Variants in DNAL4 observed in about 807,000 individuals in gnomAD.
The protein encoded by DNAL4 is dynein axonemal light chain 4.
In DNAL4, 10 loss-of-function variants were observed where a neutral mutation model predicts 12.6. The ratio of observed to expected loss-of-function variants is 0.79; its 90% CI spans 0.49 to 1.34. The LOEUF is 1.34. DNAL4 is among the 40% of genes most tolerant of loss of function. The probability of loss-of-function intolerance (pLI) is 0.00; values close to 1 mark genes in which losing one functional copy is unlikely to be tolerated. For synonymous variants in DNAL4, 46 were observed against 53.1 expected, an observed-to-expected ratio of 0.87 and a Z score of 0.58; for missense variants, 128 against 138.1, an observed-to-expected ratio of 0.93 and a Z score of 0.37.
intron 1 of DNAL4, among the ~76,000 whole-genome samples, chr22:38,791,311 C>A (rs2093050237): frequency 6.6e-6 from 1 of 152,060 alleles, no homozygotes; most frequent in Non-Finnish European, 1.5e-5. Flanking sequence ...AGGCCCAGGA[C>A]ATTACTGGAC....
intron 2 of DNAL4, among the ~76,000 whole-genome samples, chr22:38,781,345 G>T (rs946667695): frequency 6.6e-6 from 1 of 152,236 alleles, no homozygotes; most frequent in Non-Finnish European, 1.5e-5. Context: ...CCGGAGGCCC[G>T]AAGAGGCCGC....
intron 3 of DNAL4, 74 bp downstream of exon 3, chr22:38,780,852 G>C (rs1161515909): frequency 6.7e-7 from 1 of 1,491,046 alleles, no homozygotes; most frequent in Non-Finnish European, 9.3e-7. Flanking sequence ...GCCAACTGCA[G>C]GGAACAGGGG....
At chr22:38,780,835 G>T in intron 3 of DNAL4, 91 bp downstream of exon 3, 1 of 1,312,810 alleles carries the variant, frequency 7.6e-7, no homozygotes, top group Non-Finnish European at 1.1e-6. Flanking sequence ...TAGCAGTACT[G>T]TCTGGAGCCA....
In DNAL4 at chr22:38,794,123, G is replaced by C. The variant is rs1200470455; in HGVS notation, c.-195C>G. On this transcript the variant is annotated 5_prime_UTR_variant, in exon 1 of 4. Transcript: ENST00000216068. Reference sequence around the variant, plus strand: ...CAGCCAGCGAACCCCCGCCAGGGTTGTCAAGGAGCGAAACAAGAGTGTCTT... The same window carrying C: ...CAGCCAGCGAACCCCCGCCAGGGTTCTCAAGGAGCGAAACAAGAGTGTCTT... 2 of 152,278 alleles carry C rather than the reference G, an allele frequency of 1.3e-5. No individual in the cohort carries two copies. The highest frequency in any genetic ancestry group is 2.9e-5 in the Non-Finnish European group (2 of 68,054). The allele number at this position is 152,278 out of a possible 1,614,324, so 9.4% of individuals were successfully genotyped here.
At position 38,782,550 on chromosome 22, in the gene DNAL4, G is replaced by C; in HGVS notation, c.69+113C>G. ...CAAGATGTCTAGGTCTGAGCCAGCA[G>C]AGCCCTTCTTAACTTCCTCCCACTG... On this transcript the variant is annotated intron_variant, in intron 2 of 3. Transcript: ENST00000216068. The surrounding 1 kb of genome is among the most constrained non-coding windows in gnomAD (Gnocchi z 5.1). 1 of 1,015,114 alleles carries C rather than the reference G, an allele frequency of 9.9e-7. No individual in the cohort carries two copies. The highest frequency in any genetic ancestry group is 2.4e-5 in the Admixed American group (1 of 42,490). 62.9% of individuals were successfully genotyped at this position (1,015,114 alleles called of 1,614,324 possible). A position where few individuals can be genotyped will look rare whatever the true frequency, so the allele number is the denominator to read the frequency against.
Position 38,789,086 on chromosome 22 carries a change from G to C in DNAL4, c.-140+4982C>G, listed in dbSNP as rs534759437. ...TTTATTGAACACTGATCCTGAGCCA[G>C]GCACCAGAATGGGCGATCTACATAC... On this transcript the variant is annotated intron_variant, in intron 1 of 3. Transcript: ENST00000216068. 2.6e-5 allele frequency among the ~76,000 whole-genome samples: 4 copies of C among 152,250 alleles called. No homozygotes were observed. The East Asian group carries it at 7.7e-4, about 29-fold the overall frequency.
chr22:38,781,093 T>A, intron 2 of DNAL4, 84 bp from the exon 3 acceptor site: 2 of 1,498,400 alleles, frequency 1.3e-6, no homozygotes, highest in Non-Finnish European at 9.2e-7. Flanking sequence ...GTCCCAAGCT[T>A]AAGGCATGGA....
rs371266566 is a variant in DNAL4 at position 38,779,748 on chromosome 22, C to T, written c.154-135G>A. ...CCTGCTGTCCTATTTCTCTTGTCCTCCTGCTTCAAAAAGGGTTTCCACGCA... is the reference window on the plus strand; with the variant it reads ...CCTGCTGTCCTATTTCTCTTGTCCTTCTGCTTCAAAAAGGGTTTCCACGCA... On this transcript the variant is annotated intron_variant, in intron 3 of 3. Transcript: ENST00000216068. This position sits in a 1 kb window ranked among gnomAD's most constrained non-coding sequence, Gnocchi z 4.3. The T allele has an allele frequency of 1.4e-5, 17 of 1,211,040 alleles. No homozygotes were observed. The South Asian group carries it at 1.4e-4, about 10-fold the overall frequency. The allele number at this position is 1,211,040 out of a possible 1,614,324, so 75.0% of individuals were successfully genotyped here.
At chr22:38,787,139 T>A (rs1268591577) in intron 1 of DNAL4, among the ~76,000 whole-genome samples, 3 of 152,108 alleles carry the variant, frequency 2.0e-5, no homozygotes, top group Admixed American at 6.5e-5. Context: ...TGGTTCTGAG[T>A]ACAGACTCCA....
chr22:38,790,965 C>T (rs376901104), intron 1 of DNAL4, among the ~76,000 whole-genome samples: 2 of 152,034 alleles, frequency 1.3e-5, no homozygotes, highest in Admixed American at 6.6e-5. Context: ...GTCAGGAGTT[C>T]GAGACCAGCC....
chr22:38,792,375 C>T lies in DNAL4; in HGVS notation c.-140+1693G>A, dbSNP rs766033998. ...TCGGCGCACTGAAACCTCCACCTCC[C>T]GGGTTCACGCCATTCTCCTGTCTCA... On this transcript the variant is annotated intron_variant, in intron 1 of 3. Transcript: ENST00000216068. 5.6e-4 allele frequency among the ~76,000 whole-genome samples: 85 copies of T among 152,180 alleles called. 1 individual carries two copies. Among genetic ancestry groups the T allele is most frequent in the African/African-American group, 1.9e-3 (81 of 41,548 alleles).
At chr22:38,793,769 T>C (rs1451761788) in intron 1 of DNAL4, among the ~76,000 whole-genome samples, 1 of 149,830 alleles carries the variant, frequency 6.7e-6, no homozygotes, top group Middle Eastern at 3.2e-3. Context: ...ATCAAGGTGC[T>C]GGGGGAAGTC....
At chr22:38,786,610 G>C (rs1441636633) in intron 1 of DNAL4, among the ~76,000 whole-genome samples, 1 of 152,104 alleles carries the variant, frequency 6.6e-6, no homozygotes, top group East Asian at 1.9e-4. Context: ...CCACCGCCAG[G>C]GTACTTGAAT....
intron 3 of DNAL4, 108 bp downstream of exon 3, chr22:38,780,818 C>T (rs2093033102): frequency 9.0e-7 from 1 of 1,115,242 alleles, no homozygotes; most frequent in Non-Finnish European, 1.3e-6. Flanking sequence ...AGGCTCTGGC[C>T]TCATCCTAGC....
At chr22:38,780,160 G>A (rs371736472) in intron 3 of DNAL4, among the ~76,000 whole-genome samples, 13 of 152,274 alleles carry the variant, frequency 8.5e-5, no homozygotes, top group Non-Finnish European at 1.3e-4. Context: ...AGGGACCCCC[G>A]CTCGGCAGGG....
intron 2 of DNAL4, among the ~76,000 whole-genome samples, chr22:38,781,787 G>A (rs1249010350): frequency 6.6e-6 from 1 of 152,138 alleles, no homozygotes; most frequent in Non-Finnish European, 1.5e-5. Context: ...CAATTTGGCA[G>A]CAGGTCCTTT....
chr22:38,779,864 C>T lies in DNAL4; in HGVS notation c.154-251G>A, dbSNP rs906451167. 2.6e-5 allele frequency among the ~76,000 whole-genome samples: 4 copies of T among 152,310 alleles called. No homozygotes were observed. The South Asian group carries it at 6.2e-4, about 24-fold the overall frequency. ...AAACTGGCTGAGGCGGGAAGGCAAG[C>T]ATCAGGTCTGGAGATAGCCTGGGGC... is the stretch of plus-strand genomic sequence containing the variant. On this transcript the variant is annotated intron_variant, in intron 3 of 3. Coordinates refer to ENST00000216068, the MANE Select transcript of DNAL4 (RefSeq NM_005740.3). The surrounding 1 kb of genome is among the most constrained non-coding windows in gnomAD (Gnocchi z 4.3).
At chr22:38,787,121 T>C (rs1163735596) in intron 1 of DNAL4, among the ~76,000 whole-genome samples, 2 of 152,118 alleles carry the variant, frequency 1.3e-5, no homozygotes, top group Non-Finnish European at 2.9e-5. Flanking sequence ...ACCTGGAGCA[T>C]GTCATGGTGG....
chr22:38,787,296 T>C (rs1004790954), intron 1 of DNAL4, among the ~76,000 whole-genome samples: 14 of 151,496 alleles, frequency 9.2e-5, no homozygotes, highest in Non-Finnish European at 5.9e-5. Flanking sequence ...GGCTGGAGTG[T>C]AGTGACGCGA....
Sources: gnomAD v4.1 joint callset for allele counts (sites outside exome capture counted in the v4.1 genomes callset) on GRCh38, gnomAD v4.1.1 for gene constraint, Gnocchi (gnomAD v3.1) non-coding constraint, MANE v1.5 for transcripts, NCBI Gene and HGNC (gene_info 2026-07-23, HGNC 2026-07-21) for gene names.